The following NKAIN2 variants were observed in gnomAD, a reference collection of about 807,000 sequenced individuals.
NKAIN2 encodes the protein sodium/potassium-transporting ATPase subunit beta-1-interacting protein 2.
In NKAIN2, 14 loss-of-function variants were observed where a neutral mutation model predicts 32.6. The observed-to-expected ratio is 0.43, with a 90% confidence interval of 0.28 to 0.67. The LOEUF (loss-of-function observed/expected upper bound fraction) is 0.67, where lower values mean the gene tolerates loss of function less well. Ranked by LOEUF, NKAIN2 falls within the 30% of genes least tolerant of loss-of-function variation. NKAIN2 has a pLI of 0.17. For missense variants in NKAIN2, 198 were observed against 258.3 expected, an observed-to-expected ratio of 0.77 and a Z score of 1.60; for synonymous variants, 80 against 87.2, an observed-to-expected ratio of 0.92 and a Z score of 0.46.
chr6:124,699,846 GAAGTCACAGATTCATGT>G (rs1245092320), intron 4 of NKAIN2, among the ~76,000 whole-genome samples: 1 of 152,128 alleles, frequency 6.6e-6, no homozygotes, highest in Non-Finnish European at 1.5e-5. Flanking sequence ...ATACACCTTG[GAAGTCACAGATTCATGT>G]AATGGGAAAT....
intron 4 of NKAIN2, among the ~76,000 whole-genome samples, chr6:124,665,895 A>G (rs2114456577): frequency 6.6e-6 from 1 of 152,248 alleles, no homozygotes; most frequent in Middle Eastern, 3.4e-3. Flanking sequence ...CGTACTTCTC[A>G]GTAAATCGTG....
intron 3 of NKAIN2, among the ~76,000 whole-genome samples, chr6:124,394,992 A>G (rs1264757782): frequency 6.6e-6 from 1 of 152,170 alleles, no homozygotes; most frequent in African/African-American, 2.4e-5. Flanking sequence ...GACTTCCTGA[A>G]CATCGTCAGT....
At chr6:124,079,342 A>C (rs941587675) in intron 1 of NKAIN2, among the ~76,000 whole-genome samples, 7 of 152,278 alleles carry the variant, frequency 4.6e-5, no homozygotes, top group Middle Eastern at 3.4e-3. Flanking sequence ...GAGAAAAAAC[A>C]GTCAAACTTC....
chr6:124,188,710 C>T lies in NKAIN2; in HGVS notation c.55-94295C>T, dbSNP rs140331131. On this transcript the variant is annotated intron_variant, in intron 1 of 6. Coordinates refer to ENST00000368417, the MANE Select transcript of NKAIN2 (RefSeq NM_001040214.3). ...TAAAGTCAATCCTTTTTCTGAAACC[C>T]GTTCCCCTAGGGAATTCTATAAAGC... is the stretch of plus-strand genomic sequence containing the variant. 5.5e-3 allele frequency among the ~76,000 whole-genome samples: 841 copies of T among 152,278 alleles called. 2 individuals carry two copies. Among genetic ancestry groups the T allele is most frequent in the Non-Finnish European group, 9.5e-3 (645 of 68,030 alleles).
At chr6:123,819,746 A>G (rs1773847628) in intron 1 of NKAIN2, among the ~76,000 whole-genome samples, 1 of 152,208 alleles carries the variant, frequency 6.6e-6, no homozygotes, top group Non-Finnish European at 1.5e-5. Context: ...AAGGGACACC[A>G]GTGAGTAGCT....
chr6:124,327,589 A>T (rs573407700), intron 2 of NKAIN2, among the ~76,000 whole-genome samples: 12 of 152,286 alleles, frequency 7.9e-5, no homozygotes, highest in African/African-American at 2.9e-4. Context: ...TATAATGGGG[A>T]TAATAATAGT....
intron 3 of NKAIN2, among the ~76,000 whole-genome samples, chr6:124,459,885 A>G (rs950351095): frequency 2.6e-5 from 4 of 151,722 alleles, no homozygotes; most frequent in African/African-American, 7.2e-5. Context: ...ATTTATTGTC[A>G]TTACTGATAT....
At chr6:124,546,014 A>T (rs641377) in intron 3 of NKAIN2, among the ~76,000 whole-genome samples, 149,905 of 152,190 alleles carry the variant, frequency 0.98, 73,864 homozygotes, top group East Asian at 1. Flanking sequence ...GAAAAAAAAA[A>T]AACAGTGAAG....
intron 1 of NKAIN2, among the ~76,000 whole-genome samples, chr6:123,887,305 A>G (rs1773770535): frequency 6.6e-6 from 1 of 152,126 alleles, no homozygotes; most frequent in Non-Finnish European, 1.5e-5. Context: ...CAGATATGAC[A>G]TGCTATTGTT....
chr6:124,724,364 G>T (rs1394250149), intron 4 of NKAIN2, among the ~76,000 whole-genome samples: 1 of 151,986 alleles, frequency 6.6e-6, no homozygotes, highest in Non-Finnish European at 1.5e-5. Context: ...GGTATTTAAA[G>T]AATAGCTATT....
At chr6:124,515,603 C>A (rs565015413) in intron 3 of NKAIN2, among the ~76,000 whole-genome samples, 1 of 152,126 alleles carries the variant, frequency 6.6e-6, no homozygotes, top group South Asian at 2.1e-4. Context: ...GACCCAAAGA[C>A]CCCCCATTAG....
intron 3 of NKAIN2, among the ~76,000 whole-genome samples, chr6:124,562,249 C>A (rs1316084001): frequency 6.6e-6 from 1 of 152,162 alleles, no homozygotes; most frequent in East Asian, 1.9e-4. Flanking sequence ...AAAAAGGTTT[C>A]TTCCTCCACA....
rs948644059 is a variant in NKAIN2 at position 124,726,115 on chromosome 6, G to A, written c.475-65224G>A. 4.6e-5 allele frequency among the ~76,000 whole-genome samples: 7 copies of A among 152,350 alleles called. 1 individual carries two copies. In the East Asian group the frequency reaches 1.4e-3, roughly 29 times the overall value. On this transcript the variant is annotated intron_variant, in intron 4 of 6. Coordinates refer to ENST00000368417, the MANE Select transcript of NKAIN2 (RefSeq NM_001040214.3). Reference sequence around the variant, plus strand: ...CAGTCTGAGATCAAACTGCAAGGCGGCAGCGAGCCTGGGGGAGGGGCGCCC... The same window carrying A: ...CAGTCTGAGATCAAACTGCAAGGCGACAGCGAGCCTGGGGGAGGGGCGCCC...
At chr6:124,169,681 T>A (rs1030994786) in intron 1 of NKAIN2, among the ~76,000 whole-genome samples, 2 of 152,152 alleles carry the variant, frequency 1.3e-5, no homozygotes, top group Admixed American at 1.3e-4. Context: ...TGATTCTTAG[T>A]GCGTATGTTT....
At position 123,989,649 on chromosome 6, in the gene NKAIN2, T is replaced by A. The variant is rs117954652; in HGVS notation, c.54+185395T>A. On this transcript the variant is annotated intron_variant, in intron 1 of 6. Transcript: ENST00000368417. ...AGTTTTTGCTTTGATAATTATGCTC[T>A]TTTAATAATTTTAATGGTAACTCAA... Among the ~76,000 whole-genome samples the A allele has an allele frequency of 2.3e-4, 35 of 152,298 alleles. 1 individual carries two copies. In the East Asian group the frequency reaches 6.6e-3, roughly 29 times the overall value.
At chr6:123,989,307 A>G (rs1485895507) in intron 1 of NKAIN2, among the ~76,000 whole-genome samples, 1 of 152,194 alleles carries the variant, frequency 6.6e-6, no homozygotes, top group East Asian at 1.9e-4. Flanking sequence ...GTCAGCCAAT[A>G]TATGATTAAA....
intron 1 of NKAIN2, among the ~76,000 whole-genome samples, chr6:124,103,020 T>C (rs181988067): frequency 2.2e-4 from 33 of 152,282 alleles, no homozygotes. Flanking sequence ...AACAGTAGAC[T>C]GAAAATCGAT....
At chr6:124,150,204 CT>C (rs1291047551) in intron 1 of NKAIN2, among the ~76,000 whole-genome samples, 1 of 152,098 alleles carries the variant, frequency 6.6e-6, no homozygotes, top group Non-Finnish European at 1.5e-5. Flanking sequence ...ATCCCCCACA[CT>C]TTTTCAAAAT....
Position 123,879,861 on chromosome 6 carries a change from G to A in NKAIN2, c.54+75607G>A, listed in dbSNP as rs141345253. 4.8e-3 allele frequency among the ~76,000 whole-genome samples: 727 copies of A among 152,286 alleles called. 5 individuals are homozygous for A. Among genetic ancestry groups the A allele is most frequent in the Middle Eastern group, 0.024 (7 of 294 alleles). On this transcript the variant is annotated intron_variant, in intron 1 of 6. Transcript: ENST00000368417. ...CACAGACAACTTGTTAATATTGGCAGATGCCCTTATGACTCTTGTCTGACC... is the reference window on the plus strand; with the variant it reads ...CACAGACAACTTGTTAATATTGGCAAATGCCCTTATGACTCTTGTCTGACC...
Sources: gnomAD v4.1 joint callset for allele counts (sites outside exome capture counted in the v4.1 genomes callset) on GRCh38, gnomAD v4.1.1 for gene constraint, MANE v1.5 for transcripts, NCBI Gene and HGNC (gene_info 2026-07-23, HGNC 2026-07-21) for gene names.